The following FBXL18 variants were observed in gnomAD, a reference collection of about 807,000 sequenced individuals.
FBXL18 encodes F-box/LRR-repeat protein 18.
In FBXL18, 36 loss-of-function variants were observed where a neutral mutation model predicts 46.0. The observed-to-expected ratio is 0.78, with a 90% CI of 0.60 to 1.03. FBXL18 has a LOEUF of 1.03. Ranked by LOEUF, FBXL18 falls within the 50% of genes least tolerant of loss-of-function variation. The pLI is 0.00. For synonymous variants in FBXL18, 557 were observed against 465.3 expected (o/e 1.20, Z -2.54); for missense variants, 977 against 1,004.1 (o/e 0.97, Z 0.36).
At chr7:5,483,759 A>G (rs1033842202) in intron 4 of FBXL18, among the ~76,000 whole-genome samples, 3 of 152,118 alleles carry the variant, frequency 2.0e-5, no homozygotes, top group African/African-American at 7.2e-5. Flanking sequence ...AAAAGACAAA[A>G]AAAAAATCCA....
At chr7:5,471,538 A>G (rs1783427406), downstream of FBXL18, among the ~76,000 whole-genome samples, 1 of 150,102 alleles carries the variant, frequency 6.7e-6, no homozygotes, top group African/African-American at 2.5e-5. Context: ...GGCCTCCCAA[A>G]GTGCTGGGAC....
At chr7:5,460,231 G>A (rs1340342038) in intron 4 of FBXL18, among the ~76,000 whole-genome samples, 1 of 152,192 alleles carries the variant, frequency 6.6e-6, no homozygotes, top group Non-Finnish European at 1.5e-5. Flanking sequence ...GGGCGACAGA[G>A]TGAGTGAGAC....
chr7:5,468,343 T>A (rs1427038349), intron 4 of FBXL18, among the ~76,000 whole-genome samples: 3 of 152,102 alleles, frequency 2.0e-5, no homozygotes, highest in Admixed American at 2.0e-4. Flanking sequence ...GGCCTCGATC[T>A]CCTGACCTCA....
In FBXL18 at chr7:5,501,712, C is replaced by G. The variant is rs1784266293; in HGVS notation, c.557G>C (p.Gly186Ala). 1.3e-6 allele frequency: 2 copies of G among 1,588,818 alleles called. No individual in the cohort carries two copies. The highest frequency in any genetic ancestry group is 1.7e-6 in the Non-Finnish European group (2 of 1,167,238). ...LKQTLFTPSY[G>A]VVPCCTSLEK... ...TAGGCTGGTGCAGCAGGGCACCACG[C>G]CGTAGGAGGGAGTGAACAGCGTCTG... The change falls in exon 3 of 5, where the codon GGC (glycine) becomes GCC (alanine). Residue 186 changes from glycine to alanine, a missense_variant. Physicochemically the swap from Gly to Ala is moderately conservative, Grantham distance 60. Transcript: ENST00000382368.
intron 1 of FBXL18, among the ~76,000 whole-genome samples, chr7:5,507,036 G>T (rs754972667): frequency 6.6e-6 from 1 of 152,188 alleles, no homozygotes; most frequent in Non-Finnish European, 1.5e-5. Context: ...TTTACCAAGG[G>T]GAGCCTCTCA....
In FBXL18 at chr7:5,500,878, G is replaced by A. The variant is rs745382804; in HGVS notation, c.1391C>T (p.Ser464Leu). The A allele has an allele frequency of 5.0e-6, 8 of 1,597,822 alleles. No individual in the cohort carries two copies. Among genetic ancestry groups the A allele is most frequent in the East Asian group, 4.5e-5 (2 of 44,590 alleles). ...GGAGGGCTGGGGGCACGCCTGGCCC[G>A]AGAAGGGGCTGGGACAGGACTGCAC... ...VGVQSCPSPFSGQACPQPSSV... is the reference protein window; with the variant it reads ...VGVQSCPSPFLGQACPQPSSV... The change falls in exon 3 of 5, where the codon TCG becomes TTG. Residue 464 changes from serine to leucine, a missense_variant. Ser to Leu is a moderately radical substitution (Grantham distance 145, BLOSUM62 -2). Coordinates refer to ENST00000382368, the MANE Select transcript of FBXL18 (RefSeq NM_024963.6).
At chr7:5,484,195 T>C (rs1022563132) in intron 4 of FBXL18, among the ~76,000 whole-genome samples, 2 of 151,910 alleles carry the variant, frequency 1.3e-5, no homozygotes, top group Non-Finnish European at 2.9e-5. Context: ...CGGCTGGCCG[T>C]GGTGGCTCAC....
chr7:5,495,420 C>G (rs1386106883), intron 3 of FBXL18, among the ~76,000 whole-genome samples: 1 of 152,234 alleles, frequency 6.6e-6, no homozygotes, highest in Non-Finnish European at 1.5e-5. Context: ...CTCCCCCGCC[C>G]TCCACCGCAA....
chr7:5,482,959 G>C (rs2128234093), intron 4 of FBXL18, among the ~76,000 whole-genome samples: 1 of 150,340 alleles, frequency 6.7e-6, no homozygotes, highest in South Asian at 2.1e-4. Flanking sequence ...GACCACTTGA[G>C]CCCAGGAGGT....
chr7:5,488,047 C>T (rs747196205), intron 4 of FBXL18, among the ~76,000 whole-genome samples: 9 of 152,258 alleles, frequency 5.9e-5, no homozygotes, highest in Non-Finnish European at 1.3e-4. Flanking sequence ...CCGGGCTCAG[C>T]TTGTGCCTGA....
intron 4 of FBXL18, among the ~76,000 whole-genome samples, chr7:5,459,751 A>C (rs1344823464): frequency 6.6e-6 from 1 of 151,430 alleles, no homozygotes; most frequent in Non-Finnish European, 1.5e-5. Context: ...AAAAAAAAAA[A>C]AAATACAAAA....
chr7:5,460,123 G>C (rs1014238110), intron 4 of FBXL18, among the ~76,000 whole-genome samples: 1 of 151,936 alleles, frequency 6.6e-6, no homozygotes, highest in Non-Finnish European at 1.5e-5. Flanking sequence ...GTGTTGTGGT[G>C]CATGCCTGTA....
intron 1 of FBXL18, among the ~76,000 whole-genome samples, chr7:5,509,491 G>A (rs1784474718): frequency 6.6e-6 from 1 of 151,968 alleles, no homozygotes; most frequent in African/African-American, 2.4e-5. Context: ...TCAGGAGTTC[G>A]AGACCAGCCT....
downstream of FBXL18, among the ~76,000 whole-genome samples, chr7:5,472,565 A>G (rs4994911): frequency 1.5e-4 from 8 of 53,040 alleles, no homozygotes; most frequent in South Asian, 8.8e-4. Context: ...CCACATGGAG[A>G]GGCCACGTGA....
chr7:5,498,592 T>C (rs181179602), intron 3 of FBXL18, among the ~76,000 whole-genome samples: 2 of 151,660 alleles, frequency 1.3e-5, no homozygotes, highest in Admixed American at 6.6e-5. Context: ...CTTTTCTTTT[T>C]GAGAGTCTCA....
intron 4 of FBXL18, among the ~76,000 whole-genome samples, chr7:5,468,703 C>G (rs1783382683): frequency 6.6e-6 from 1 of 152,078 alleles, no homozygotes; most frequent in African/African-American, 2.4e-5. Context: ...TGGGCTCAAA[C>G]GATCCTCCCA....
chr7:5,504,334 C>G (rs1784340761), intron 2 of FBXL18, among the ~76,000 whole-genome samples: 1 of 150,204 alleles, frequency 6.7e-6, no homozygotes, highest in South Asian at 2.1e-4. Flanking sequence ...GGAGGCTGAC[C>G]CAGGAGAATC....
chr7:5,512,550 GT>G (rs1784568156), intron 1 of FBXL18, among the ~76,000 whole-genome samples: 1 of 151,896 alleles, frequency 6.6e-6, no homozygotes. Flanking sequence ...GGAGGCGGAG[GT>G]TGCAGATCAC....
intron 4 of FBXL18, among the ~76,000 whole-genome samples, chr7:5,459,880 T>G (rs1783220369): frequency 6.6e-6 from 1 of 152,016 alleles, no homozygotes; most frequent in East Asian, 1.9e-4. Context: ...GCTGTCGTAC[T>G]CCAGCCTGGG....
Sources: allele counts gnomAD v4.1 joint callset (sites outside exome capture counted in the v4.1 genomes callset), GRCh38; gene constraint gnomAD v4.1.1; transcripts MANE v1.5; gene names NCBI Gene and HGNC (gene_info 2026-07-23, HGNC 2026-07-21).